ATG2B: variants seen among roughly 807,000 people sequenced by gnomAD.
ATG2B encodes the protein autophagy-related protein 2 homolog B.
Under a neutral mutation model 241.3 loss-of-function variants are expected in ATG2B, and 121 were observed. The observed-to-expected ratio is 0.50, with a 90% confidence interval of 0.43 to 0.58. ATG2B has a LOEUF of 0.58. ATG2B is among the 20% of genes least tolerant of loss of function. The pLI is 0.00. For synonymous variants in ATG2B, 858 were observed against 876.6 expected, an observed-to-expected ratio of 0.98 and a Z score of 0.37; for missense variants, 2,306 against 2,491.6, an observed-to-expected ratio of 0.93 and a Z score of 1.59.
chr14:96,338,021 T>G (rs937952506), intron 6 of ATG2B, among the ~76,000 whole-genome samples: 36 of 152,042 alleles, frequency 2.4e-4, no homozygotes, highest in Admixed American at 5.9e-4. Flanking sequence ...GTATTGTATT[T>G]TATTTTATTT....
At chr14:96,306,199 T>G (rs1270610396) in intron 30 of ATG2B, among the ~76,000 whole-genome samples, 3 of 152,250 alleles carry the variant, frequency 2.0e-5, no homozygotes, top group Non-Finnish European at 4.4e-5. Flanking sequence ...AGGTTTATCC[T>G]GAGTTTGATT....
chr14:96,331,304 G>A, intron 11 of ATG2B, 72 bp downstream of exon 11: 3 of 1,404,924 alleles, frequency 2.1e-6, no homozygotes, highest in Non-Finnish European at 2.9e-6. Flanking sequence ...AAGTCCACAT[G>A]TGGTTCTTTT....
At position 96,322,331 on chromosome 14, in the gene ATG2B, T is replaced by C. The variant is rs113811214; in HGVS notation, c.2737-77A>G. 3,783 of 1,485,078 alleles carry C rather than the reference T, an allele frequency of 2.5e-3. 53 individuals carry two copies. The African/African-American group carries it at 0.038, about 15-fold the overall frequency. 92.0% of individuals were successfully genotyped at this position (1,485,078 alleles called of 1,614,324 possible). ...TAGTAGCATCTTCTTAGCCTATCCA[T>C]AGGACTTGGTATGTGAGAAATAAAT... On this transcript the variant is annotated intron_variant, in intron 17 of 41. Coordinates refer to ENST00000359933, the MANE Select transcript of ATG2B (RefSeq NM_018036.7).
At chr14:96,308,249 TATAC>T (rs1371059297) in intron 29 of ATG2B, among the ~76,000 whole-genome samples, 31 of 15,442 alleles carry the variant, frequency 2.0e-3, no homozygotes, top group African/African-American at 3.3e-3. Flanking sequence ...TATATATATA[TATAC>T]ACACATATAT....
chr14:96,361,585 A>C (rs1354537931), intron 1 of ATG2B, among the ~76,000 whole-genome samples: 1 of 152,178 alleles, frequency 6.6e-6, no homozygotes, highest in Non-Finnish European at 1.5e-5. Context: ...ATCTTTTGGA[A>C]GAATTACAGG....
At chr14:96,339,414 G>A (rs12881888) in intron 6 of ATG2B, among the ~76,000 whole-genome samples, 49,480 of 151,372 alleles carry the variant, frequency 0.33, 9,196 homozygotes, top group Non-Finnish European at 0.42. Context: ...TATGTGGTGC[G>A]TGTATATATA....
In ATG2B at chr14:96,323,891, C is replaced by T; in HGVS notation, c.2540+5G>A. 1.9e-6 allele frequency: 3 copies of T among 1,584,290 alleles called. No homozygotes were observed. Among genetic ancestry groups the T allele is most frequent in the Non-Finnish European group, 2.6e-6 (3 of 1,159,736 alleles). On this transcript the variant is annotated splice_donor_5th_base_variant and intron_variant, in intron 16 of 41. Coordinates refer to ENST00000359933, the MANE Select transcript of ATG2B (RefSeq NM_018036.7). ...CCTATTAAACCTATGCATTTGCTTA[C>T]TCACCGTGGCCAGTCAAAGTCATCT... is the stretch of plus-strand genomic sequence containing the variant.
chr14:96,298,091 C>T (rs973405968), intron 34 of ATG2B, among the ~76,000 whole-genome samples: 6 of 152,120 alleles, frequency 3.9e-5, no homozygotes, highest in South Asian at 2.1e-4. Flanking sequence ...AACCCGCACC[C>T]GACCCAAACA....
At chr14:96,308,343 G>C (rs1461117489) in intron 29 of ATG2B, among the ~76,000 whole-genome samples, 1 of 134,562 alleles carries the variant, frequency 7.4e-6, no homozygotes, top group East Asian at 2.1e-4. Flanking sequence ...GGAGTGCAGT[G>C]GCACAATCTT....
At position 96,325,729 on chromosome 14, in the gene ATG2B, T is replaced by A. The variant is rs570405614; in HGVS notation, c.2357A>T (p.Asp786Val). The A allele has an allele frequency of 1.2e-6, 2 of 1,613,896 alleles. No individual in the cohort carries two copies. The highest frequency in any genetic ancestry group is 1.7e-6 in the Non-Finnish European group (2 of 1,179,912). The change falls in exon 15 of 42, where the codon GAT becomes GTT. Residue 786 changes from aspartate (D) to valine (V), a missense_variant. By Grantham distance (152) the Asp-to-Val change is radical. Coordinates refer to ENST00000359933, the MANE Select transcript of ATG2B (RefSeq NM_018036.7). ...TATAAATTCAGTCTTAAATTCTAGA[T>A]CTGTGAAGGCTAAATAAAGGATCTC... is the stretch of plus-strand genomic sequence containing the variant. ...QKEILYLAFT[D>V]LEFKTEFIGG...
intron 33 of ATG2B, among the ~76,000 whole-genome samples, chr14:96,302,311 C>T (rs1886814508): frequency 1.3e-5 from 2 of 152,128 alleles, no homozygotes; most frequent in Admixed American, 6.5e-5. Context: ...AGGCTGGGCA[C>T]GGTGGCTCAT....
rs1221058218 is a variant in ATG2B, at chr14:96,285,456, C to T, written c.*299G>A. ...TAGAAGGCAGCTTCCAATGATCTCT[C>T]GTCGGTAACAAGGAGAATTACAGTC... On this transcript the variant is annotated 3_prime_UTR_variant, in exon 42 of 42. Coordinates refer to ENST00000359933, the MANE Select transcript of ATG2B (RefSeq NM_018036.7). The surrounding 1 kb of genome is among the most constrained non-coding windows in gnomAD (Gnocchi z 4.2). 9 of 354,298 alleles carry T rather than the reference C, an allele frequency of 2.5e-5. No individual in the cohort carries two copies. Among genetic ancestry groups the T allele is most frequent in the East Asian group, 2.3e-4 (4 of 17,318 alleles). 21.9% of individuals were successfully genotyped at this position (354,298 alleles called of 1,614,324 possible).
intron 1 of ATG2B, among the ~76,000 whole-genome samples, chr14:96,354,661 T>C (rs1406044388): frequency 6.6e-6 from 1 of 152,200 alleles, no homozygotes; most frequent in Non-Finnish European, 1.5e-5. Context: ...CTAGGTCAAA[T>C]GGTATTTCTG....
chr14:96,332,460 G>A lies in ATG2B; in HGVS notation c.1362+41C>T, dbSNP rs138756509. 3.4e-5 allele frequency: 55 copies of A among 1,611,702 alleles called. 1 individual carries two copies. In the African/African-American group the frequency reaches 6.1e-4, roughly 18 times the overall value. On this transcript the variant is annotated intron_variant, in intron 9 of 41. Transcript: ENST00000359933. ...ATGAATGAAGTGTAGAATTTTAGAA[G>A]CAACTTTTCAGTCTAGAAGAAAAAT... is the stretch of plus-strand genomic sequence containing the variant.
At chr14:96,317,020 T>G in intron 20 of ATG2B, 125 bp downstream of exon 20, 1 of 939,152 alleles carries the variant, frequency 1.1e-6, no homozygotes, top group Non-Finnish European at 1.6e-6. Flanking sequence ...CCCAGGACAC[T>G]GGTCTTCATC....
intron 18 of ATG2B, among the ~76,000 whole-genome samples, chr14:96,319,319 A>G (rs940427300): frequency 1.4e-4 from 22 of 152,256 alleles, no homozygotes; most frequent in Non-Finnish European, 1.5e-4. Flanking sequence ...ATCAAGAAAG[A>G]AAACAATGCT....
intron 20 of ATG2B, among the ~76,000 whole-genome samples, chr14:96,316,910 C>G (rs911835457): frequency 5.9e-5 from 9 of 152,176 alleles, no homozygotes; most frequent in Admixed American, 3.9e-4. Flanking sequence ...TGTTGTCACC[C>G]CAGAAGCAGA....
Position 96,295,050 on chromosome 14 carries a change from C to T in ATG2B, c.5336G>A (p.Ser1779Asn). Residue 1779 changes from serine (S) to asparagine (N), a missense_variant, in exon 36 of 42, where the codon AGT (serine) becomes AAT (asparagine). Ser to Asn is a conservative substitution (Grantham distance 46). Coordinates refer to ENST00000359933, the MANE Select transcript of ATG2B (RefSeq NM_018036.7). ...SGPKQPSQNDSANSVEVVNGM... is the reference protein window; with the variant it reads ...SGPKQPSQNDNANSVEVVNGM... ...ATTAACCACTTCCACTGAATTGGCACTATCATTTTGGGAAGGCTGTTTTGG... is the reference window on the plus strand; with the variant it reads ...ATTAACCACTTCCACTGAATTGGCATTATCATTTTGGGAAGGCTGTTTTGG... The T allele has an allele frequency of 6.2e-7, 1 of 1,614,198 alleles. No individual in the cohort carries two copies. The highest frequency in any genetic ancestry group is 8.5e-7 in the Non-Finnish European group (1 of 1,180,022).
chr14:96,326,017 T>A, intron 14 of ATG2B, 95 bp from the exon 15 acceptor site: 1 of 1,224,998 alleles, frequency 8.2e-7, no homozygotes, highest in Non-Finnish European at 1.1e-6. Flanking sequence ...AATCACTATC[T>A]CCCCATTTGG....
Sources: gnomAD v4.1 joint callset for allele counts (sites outside exome capture counted in the v4.1 genomes callset) on GRCh38, gnomAD v4.1.1 for gene constraint, Gnocchi (gnomAD v3.1) non-coding constraint, MANE v1.5 for transcripts, NCBI Gene and HGNC (gene_info 2026-07-23, HGNC 2026-07-21) for gene names.